UGT3A1: variants seen among roughly 807,000 people sequenced by gnomAD.
The protein encoded by UGT3A1 is UDP glycosyltransferase family 3 member A1.
Under a neutral mutation model 37.6 loss-of-function variants are expected in UGT3A1, and 40 were observed. The ratio of observed to expected loss-of-function variants is 1.06; its 90% CI spans 0.83 to 1.38. UGT3A1 has a LOEUF of 1.38. Among genes scored for constraint, UGT3A1 ranks in the 40% most tolerant of loss-of-function variants. UGT3A1 has a pLI of 0.00. For missense variants in UGT3A1, 642 were observed against 634.2 expected, an observed-to-expected ratio of 1.01 and a Z score of -0.13; for synonymous variants, 256 against 232.3, an observed-to-expected ratio of 1.10 and a Z score of -0.93.
intron 1 of UGT3A1, among the ~76,000 whole-genome samples, chr5:35,998,434 C>T (rs1183398298): frequency 6.6e-6 from 1 of 152,146 alleles, no homozygotes; most frequent in Non-Finnish European, 1.5e-5. Context: ...CTCTGGATAC[C>T]CTTCTAAACT....
rs75828777 is a variant in UGT3A1 at position 35,962,546 on chromosome 5, C to T, written c.843+2840G>A. ...GTTTCTTTAGTTCCCTGGAATTGCC[C>T]TTTGCAGCCTCTCCTGAAATGACAA... is the stretch of plus-strand genomic sequence containing the variant. On this transcript the variant is annotated intron_variant, in intron 4 of 6. Transcript: ENST00000274278. 5.1e-3 allele frequency: 1,022 copies of T among 200,780 alleles called. 22 individuals carry two copies. The highest frequency in any genetic ancestry group is 0.043 in the East Asian group (341 of 7,966). The allele number at this position is 200,780 out of a possible 1,614,324, so 12.4% of individuals were successfully genotyped here. A position where few individuals can be genotyped will look rare whatever the true frequency, so the allele number is the denominator to read the frequency against.
At chr5:35,998,391 T>C (rs939243769) in intron 1 of UGT3A1, among the ~76,000 whole-genome samples, 2 of 152,230 alleles carry the variant, frequency 1.3e-5, no homozygotes, top group Non-Finnish European at 2.9e-5. Context: ...GAAATTATTA[T>C]GGGTTACCCC....
chr5:35,980,584 C>T lies in UGT3A1; in HGVS notation c.196+7866G>A, dbSNP rs538483865. On this transcript the variant is annotated intron_variant, in intron 2 of 6. Transcript: ENST00000274278. ...CCAGAAATAATCAAGTAGAATAATA[C>T]CCAGACATCATACAAGGCCTCTCTC... Among the ~76,000 whole-genome samples the T allele has an allele frequency of 2.6e-5, 4 of 152,262 alleles. No individual in the cohort carries two copies. The South Asian group carries it at 8.3e-4, about 32-fold the overall frequency.
In UGT3A1 at chr5:35,971,096, A is replaced by G. The variant is rs532814298; in HGVS notation, c.197-2963T>C. Among the ~76,000 whole-genome samples, 196 of 152,270 alleles carry G rather than the reference A, an allele frequency of 1.3e-3. 1 individual carries two copies. The highest frequency in any genetic ancestry group is 4.5e-3 in the African/African-American group (189 of 41,550). ...ACCTGTAACTGGATGACTGTGGGGAACCTCAATATCCTGGCCCACAATCAC... is the reference window on the plus strand; with the variant it reads ...ACCTGTAACTGGATGACTGTGGGGAGCCTCAATATCCTGGCCCACAATCAC... On this transcript the variant is annotated intron_variant, in intron 2 of 6. Transcript: ENST00000274278.
At chr5:35,996,022 CA>C (rs111488776), upstream of UGT3A1, among the ~76,000 whole-genome samples, 2,712 of 111,136 alleles carry the variant, frequency 0.024, 68 homozygotes, top group African/African-American at 0.072. Context: ...TGCGCTATGA[CA>C]AAAAAAAAAA....
intron 4 of UGT3A1, among the ~76,000 whole-genome samples, chr5:35,963,675 C>T (rs1298240049): frequency 6.6e-6 from 1 of 152,230 alleles, no homozygotes; most frequent in East Asian, 1.9e-4. Flanking sequence ...AACTCCTTGG[C>T]CAGGGGAGAA....
chr5:35,983,124 A>G (rs190157235), intron 2 of UGT3A1, among the ~76,000 whole-genome samples: 1 of 152,218 alleles, frequency 6.6e-6, no homozygotes, highest in East Asian at 1.9e-4. Context: ...AGGCAGTTCT[A>G]TATAGTAATG....
chr5:35,977,997 C>A (rs2149979113), intron 2 of UGT3A1, among the ~76,000 whole-genome samples: 1 of 152,280 alleles, frequency 6.6e-6, no homozygotes, highest in Admixed American at 6.5e-5. Flanking sequence ...CAAGTATATA[C>A]ATATGTTCAA....
At chr5:35,957,718 TG>T (rs1305591629) in intron 4 of UGT3A1, among the ~76,000 whole-genome samples, 1 of 152,206 alleles carries the variant, frequency 6.6e-6, no homozygotes, top group Non-Finnish European at 1.5e-5. Flanking sequence ...CTCATCCTAT[TG>T]GGATCACAGA....
chr5:35,968,093 C>T lies in UGT3A1; in HGVS notation c.237G>A (p.Trp79Ter). Residue 79 changes from tryptophan (W) to a stop codon, truncating the protein, a stop_gained, in exon 3 of 7, where the codon TGG becomes TGA. Coordinates refer to ENST00000274278, the MANE Select transcript of UGT3A1 (RefSeq NM_152404.4). LOFTEE classifies it high-confidence loss of function. The stretch of plus-strand genomic sequence containing the variant: ...TTTTTTGATGATCTTCAGGTGAAAA[C>T]CACCTGATAACTTGGTATGATTTTT... ...EEEKSYQVIR[W>*]FSPEDHQKRI... is the part of the protein sequence containing the mutation. 6.2e-7 allele frequency: 1 copy of T among 1,612,942 alleles called. No homozygotes were observed. The highest frequency in any genetic ancestry group is 1.1e-5 in the South Asian group (1 of 90,982).
upstream of UGT3A1, among the ~76,000 whole-genome samples, chr5:35,995,523 C>T (rs1741075052): frequency 6.6e-6 from 1 of 152,194 alleles, no homozygotes; most frequent in African/African-American, 2.4e-5. Context: ...TTATCAGAAC[C>T]TATCACCCAG....
In UGT3A1 at chr5:35,951,477, T is replaced by C. The variant is rs1359848123; in HGVS notation, c.*2725A>G. The C allele has an allele frequency of 1.3e-5, 2 of 152,340 alleles. No homozygotes were observed. The highest frequency in any genetic ancestry group is 3.9e-4 in the East Asian group (2 of 5,194). The allele number at this position is 152,340 out of a possible 1,614,324, so 9.4% of individuals were successfully genotyped here. On this transcript the variant is annotated 3_prime_UTR_variant, in exon 7 of 7. Transcript: ENST00000274278. ...TTTACTTAACCATATTGGAATTTGCTCCATATTAGCTTATTCTGCTTTTGT... is the reference window on the plus strand; with the variant it reads ...TTTACTTAACCATATTGGAATTTGCCCCATATTAGCTTATTCTGCTTTTGT...
intron 1 of UGT3A1, chr5:35,990,885 T>C (rs1385263566): frequency 2.5e-5 from 32 of 1,288,746 alleles, no homozygotes; most frequent in Admixed American, 3.2e-5. Context: ...CTGGCCCCAG[T>C]CCTGCGGGAC....
chr5:35,966,905 CA>C (rs1265110197), intron 3 of UGT3A1, among the ~76,000 whole-genome samples: 1 of 152,144 alleles, frequency 6.6e-6, no homozygotes, highest in Non-Finnish European at 1.5e-5. Context: ...TAAATTACAA[CA>C]ATGGTGATTC....
intron 2 of UGT3A1, among the ~76,000 whole-genome samples, chr5:35,981,726 G>A (rs1001531215): frequency 6.6e-6 from 1 of 152,216 alleles, no homozygotes; most frequent in Non-Finnish European, 1.5e-5. Flanking sequence ...CATTTTCTGG[G>A]GTGAAATTCA....
Position 35,954,230 on chromosome 5 carries a change from C to A in UGT3A1, c.1544G>T (p.Arg515Leu), listed in dbSNP as rs373182805. The A allele has an allele frequency of 4.3e-6, 7 of 1,614,030 alleles. No individual in the cohort carries two copies. The highest frequency in any genetic ancestry group is 1.6e-4 in the Middle Eastern group (1 of 6,082). ...TGTCTTCTTCACCTTCCTGGCCCCACGCAGCCACCTGGCCACCACACCCAG... is the reference window on the plus strand; with the variant it reads ...TGTCTTCTTCACCTTCCTGGCCCCAAGCAGCCACCTGGCCACCACACCCAG... ...KLLGVVARWL[R>L]GARKVKKT The change falls in exon 7 of 7, where the codon CGT becomes CTT. Residue 515 changes from arginine (R) to leucine (L), a missense_variant. Arg to Leu is a moderately radical substitution (Grantham distance 102, BLOSUM62 -2). Coordinates refer to ENST00000274278, the MANE Select transcript of UGT3A1 (RefSeq NM_152404.4).
At position 35,988,559 on chromosome 5, in the gene UGT3A1, C is replaced by A; in HGVS notation, c.95-8G>T. 3 of 1,589,076 alleles carry A rather than the reference C, an allele frequency of 1.9e-6. No homozygotes were observed. The highest frequency in any genetic ancestry group is 2.2e-5 in the East Asian group (1 of 44,672). On this transcript the variant is annotated splice_polypyrimidine_tract_variant and splice_region_variant and intron_variant, in intron 1 of 6. Transcript: ENST00000274278. ...GTAGGTAATGGCTTCCACCTAGAAACAATGCACAATGTCTTTTGTAAAGAT... is the reference window on the plus strand; with the variant it reads ...GTAGGTAATGGCTTCCACCTAGAAAAAATGCACAATGTCTTTTGTAAAGAT...
rs370224527 is a variant in UGT3A1 at position 35,954,483 on chromosome 5, T to C, written c.1296-5A>G. 4.3e-6 allele frequency: 7 copies of C among 1,613,008 alleles called. No homozygotes were observed. The highest frequency in any genetic ancestry group is 5.1e-6 in the Non-Finnish European group (6 of 1,179,208). On this transcript the variant is annotated splice_polypyrimidine_tract_variant and splice_region_variant and intron_variant, in intron 6 of 6. Coordinates refer to ENST00000274278, the MANE Select transcript of UGT3A1 (RefSeq NM_152404.4). ...GCCACCACTGCCGACTTGTACCTGT[T>C]GGCGGAGACAGAGAGGGTGTGTTAC...
intron 3 of UGT3A1, among the ~76,000 whole-genome samples, chr5:35,967,741 C>T (rs373734838): frequency 7.9e-5 from 12 of 152,260 alleles, no homozygotes; most frequent in East Asian, 1.9e-4. Context: ...AGAACCCTTA[C>T]GGTAGAAGAA....
Sources: allele counts gnomAD v4.1 joint callset (sites outside exome capture counted in the v4.1 genomes callset), GRCh38; gene constraint gnomAD v4.1.1; transcripts MANE v1.5; gene names NCBI Gene and HGNC (gene_info 2026-07-23, HGNC 2026-07-21).